The following LRFN5 variants were observed in gnomAD, a reference collection of about 807,000 sequenced individuals.
LRFN5 encodes leucine-rich repeat and fibronectin type-III domain-containing protein 5.
Under a neutral mutation model 45.6 loss-of-function variants are expected in LRFN5, and 24 were observed. The ratio of observed to expected loss-of-function variants is 0.53; its 90% CI spans 0.38 to 0.74. LRFN5 has a LOEUF of 0.74. LRFN5 is among the 30% of genes least tolerant of loss of function. The pLI, the probability that LRFN5 is intolerant of heterozygous loss-of-function variation, is 0.00. For synonymous variants in LRFN5, 340 were observed against 313.8 expected (o/e 1.08, Z -0.88); for missense variants, 776 against 861.5 (o/e 0.90, Z 1.24).
At chr14:41,794,208 T>A (rs1368856836) in intron 2 of LRFN5, among the ~76,000 whole-genome samples, 1 of 152,052 alleles carries the variant, frequency 6.6e-6, no homozygotes, top group Non-Finnish European at 1.5e-5. Context: ...CTATATGTCA[T>A]CCATACCCCC....
chr14:41,712,522 A>G (rs543874717), intron 1 of LRFN5, among the ~76,000 whole-genome samples: 9 of 152,306 alleles, frequency 5.9e-5, no homozygotes, highest in African/African-American at 1.9e-4. Flanking sequence ...ACAAAAGGAT[A>G]ATAGGTTTTG....
At chr14:41,740,333 T>C (rs576121336) in intron 1 of LRFN5, among the ~76,000 whole-genome samples, 8 of 152,052 alleles carry the variant, frequency 5.3e-5, no homozygotes, top group Non-Finnish European at 8.8e-5. Context: ...CATAAAATAT[T>C]TATTAACTTT....
chr14:41,893,945 C>G lies in LRFN5; in HGVS notation c.2098+1983C>G, dbSNP rs538614015. 2.1e-5 allele frequency: 21 copies of G among 985,152 alleles called. No homozygotes were observed. In the South Asian group the frequency reaches 8.9e-4, roughly 42 times the overall value. The allele number at this position is 985,152 out of a possible 1,614,324, so 61.0% of individuals were successfully genotyped here. A position where few individuals can be genotyped will look rare whatever the true frequency, so the allele number is the denominator to read the frequency against. On this transcript the variant is annotated intron_variant, in intron 4 of 5. Coordinates refer to ENST00000298119, the MANE Select transcript of LRFN5 (RefSeq NM_152447.5). ...AGTTTGCGAAATCAAAAGCAGCACT[C>G]AGAGTGAAATATATTTTCAGTACTA...
At chr14:41,828,687 A>G (rs567818802) in intron 2 of LRFN5, among the ~76,000 whole-genome samples, 3 of 152,004 alleles carry the variant, frequency 2.0e-5, no homozygotes, top group South Asian at 4.2e-4. Context: ...TTAACTCCCA[A>G]ATCTCTTCAC....
chr14:41,892,226 A>G (rs567820642), intron 4 of LRFN5: 1 of 985,158 alleles, frequency 1.0e-6, no homozygotes, highest in African/African-American at 1.7e-5. Flanking sequence ...TCATTTTGAG[A>G]ACTCACATAG....
chr14:41,627,652 G>A (rs949412751), intron 1 of LRFN5, among the ~76,000 whole-genome samples: 1 of 152,078 alleles, frequency 6.6e-6, no homozygotes, highest in African/African-American at 2.4e-5. Context: ...TATTGATAAA[G>A]GAATCGACAA....
At chr14:41,802,444 T>C (rs982639111) in intron 2 of LRFN5, among the ~76,000 whole-genome samples, 8 of 152,170 alleles carry the variant, frequency 5.3e-5, no homozygotes, top group Admixed American at 5.2e-4. Flanking sequence ...GGTATGAGGG[T>C]AAGGGATTCT....
intron 1 of LRFN5, among the ~76,000 whole-genome samples, chr14:41,750,760 A>G (rs983049384): frequency 6.6e-6 from 1 of 152,116 alleles, no homozygotes; most frequent in Admixed American, 6.5e-5. Context: ...AGTAAGGCAA[A>G]GGGGAAGCAG....
Position 41,630,264 on chromosome 14 carries a change from G to A in LRFN5, c.-197+21702G>A, listed in dbSNP as rs1279858335. Among the ~76,000 whole-genome samples, 4 of 152,220 alleles carry A rather than the reference G, an allele frequency of 2.6e-5. No individual in the cohort carries two copies. In the South Asian group the frequency reaches 6.2e-4, roughly 24 times the overall value. On this transcript the variant is annotated intron_variant, in intron 1 of 5. Coordinates refer to ENST00000298119, the MANE Select transcript of LRFN5 (RefSeq NM_152447.5). Reference sequence around the variant, plus strand: ...CTATATACATCTTGGTTAAATTAAAGCATTCCTCTGGATTAAATCACTTTA... The same window carrying A: ...CTATATACATCTTGGTTAAATTAAAACATTCCTCTGGATTAAATCACTTTA...
At chr14:41,653,364 T>G (rs1264503213) in intron 1 of LRFN5, among the ~76,000 whole-genome samples, 1 of 152,172 alleles carries the variant, frequency 6.6e-6, no homozygotes, top group East Asian at 1.9e-4. Flanking sequence ...GGGTTCAGTT[T>G]CAATTTTCTG....
At chr14:41,635,442 T>G (rs1879258563) in intron 1 of LRFN5, among the ~76,000 whole-genome samples, 8 of 152,156 alleles carry the variant, frequency 5.3e-5, no homozygotes, top group South Asian at 4.1e-4. Context: ...GTTTTAAAAG[T>G]TAATACATGT....
chr14:41,677,419 GA>G (rs1367094420), intron 1 of LRFN5, among the ~76,000 whole-genome samples: 1 of 151,834 alleles, frequency 6.6e-6, no homozygotes, highest in African/African-American at 2.4e-5. Flanking sequence ...TCTGAAGGTG[GA>G]ATTAGTAAAT....
At chr14:41,658,762 G>T (rs1259874493) in intron 1 of LRFN5, among the ~76,000 whole-genome samples, 1 of 151,760 alleles carries the variant, frequency 6.6e-6, no homozygotes, top group Non-Finnish European at 1.5e-5. Flanking sequence ...TTTACTGTTA[G>T]TTAATATTAA....
chr14:41,826,653 A>C (rs1047799763), intron 2 of LRFN5, among the ~76,000 whole-genome samples: 30 of 152,154 alleles, frequency 2.0e-4, no homozygotes, highest in African/African-American at 6.8e-4. Context: ...TGTCACATAA[A>C]TCATAAAGCA....
chr14:41,820,248 G>A (rs186969772), intron 2 of LRFN5, among the ~76,000 whole-genome samples: 1 of 151,694 alleles, frequency 6.6e-6, no homozygotes, highest in Non-Finnish European at 1.5e-5. Context: ...ATAGTTTCAG[G>A]TCTTATATTT....
intron 2 of LRFN5, among the ~76,000 whole-genome samples, chr14:41,776,488 TATC>T (rs1414714045): frequency 6.6e-6 from 1 of 152,178 alleles, no homozygotes; most frequent in Non-Finnish European, 1.5e-5. Flanking sequence ...ATGACACAGT[TATC>T]ATTTCACACA....
At chr14:41,618,213 T>C (rs1473958466) in intron 1 of LRFN5, among the ~76,000 whole-genome samples, 1 of 152,220 alleles carries the variant, frequency 6.6e-6, no homozygotes, top group East Asian at 1.9e-4. Context: ...CATGTTTTCC[T>C]ATCTGTAAGC....
At chr14:41,624,045 T>A (rs1307893801) in intron 1 of LRFN5, among the ~76,000 whole-genome samples, 1 of 152,084 alleles carries the variant, frequency 6.6e-6, no homozygotes, top group Non-Finnish European at 1.5e-5. Context: ...TCCTGAATTA[T>A]CAAGAAGGAA....
chr14:41,740,326 A>AAAAT (rs1884637167), intron 1 of LRFN5, among the ~76,000 whole-genome samples: 1 of 152,056 alleles, frequency 6.6e-6, no homozygotes, highest in African/African-American at 2.4e-5. Flanking sequence ...AGAAGCACAT[A>AAAAT]AAATATTTAT....
Sources: allele counts gnomAD v4.1 joint callset (sites outside exome capture counted in the v4.1 genomes callset), GRCh38; gene constraint gnomAD v4.1.1; transcripts MANE v1.5; gene names NCBI Gene and HGNC (gene_info 2026-07-23, HGNC 2026-07-21).